The following FAM171B variants were observed in gnomAD, a reference collection of about 807,000 sequenced individuals.
The protein encoded by FAM171B is family with sequence similarity 171 member B.
A neutral mutation model predicts 75.6 loss-of-function variants in FAM171B; 19 were observed. The observed-to-expected ratio is 0.25, with a 90% CI of 0.18 to 0.37. The LOEUF is 0.37. Ranked by LOEUF, FAM171B falls within the 10% of genes least tolerant of loss-of-function variation. FAM171B has a pLI of 1.00. For synonymous variants in FAM171B, 367 were observed against 361.7 expected (o/e 1.01, Z -0.17); for missense variants, 848 against 982.4 (o/e 0.86, Z 1.83).
intron 1 of FAM171B, among the ~76,000 whole-genome samples, chr2:186,723,757 C>A (rs59509315): frequency 4.6e-4 from 70 of 152,234 alleles, no homozygotes; most frequent in African/African-American, 1.6e-3. Flanking sequence ...ATGTTCTGTG[C>A]CAGAAATGAT....
rs1296969677 is a variant in FAM171B, at chr2:186,763,421, G to A, written c.*598G>A. The A allele has an allele frequency of 2.0e-5, 3 of 152,028 alleles. No individual in the cohort carries two copies. Among genetic ancestry groups the A allele is most frequent in the African/African-American group, 7.2e-5 (3 of 41,386 alleles). 9.4% of individuals were successfully genotyped at this position (152,028 alleles called of 1,614,324 possible). On this transcript the variant is annotated 3_prime_UTR_variant, in exon 8 of 8. Transcript: ENST00000304698. ...ATATAAGATGGGCAAGAAGCTACTT[G>A]GTCATTAGAGAGGGAGACACCAGCT...
rs566958360 is a variant in FAM171B, at chr2:186,761,119, G to T, written c.1019G>T (p.Gly340Val). 1 of 1,608,422 alleles carries T rather than the reference G, an allele frequency of 6.2e-7. No individual in the cohort carries two copies. Among genetic ancestry groups the T allele is most frequent in the East Asian group, 2.2e-5 (1 of 44,710 alleles). Residue 340 changes from glycine to valine, a missense_variant, in exon 7 of 8, where the codon GGT becomes GTT. Physicochemically the swap from Gly to Val is moderately radical, Grantham distance 109 (BLOSUM62 -3). This residue lies in a region of FAM171B where 665 missense variants were observed against 729.0 expected (regional missense o/e 0.91). Coordinates refer to ENST00000304698, the MANE Select transcript of FAM171B (RefSeq NM_177454.4). Reference sequence around the variant, plus strand: ...TTTATATTGAACCATGTAGGTTCAGGTATAAATGAAGATTCCAAGGACATA... The same window carrying T: ...TTTATATTGAACCATGTAGGTTCAGTTATAAATGAAGATTCCAAGGACATA... The part of the protein sequence containing the change: ...AAPLPGTRGS[G>V]INEDSKDITA...
chr2:186,759,919 G>T (rs1690589690), intron 6 of FAM171B, among the ~76,000 whole-genome samples: 1 of 152,012 alleles, frequency 6.6e-6, no homozygotes, highest in Non-Finnish European at 1.5e-5. Flanking sequence ...ATAGTTTGAG[G>T]TCTTAGATTT....
chr2:186,702,080 ATG>A (rs1689670031), intron 1 of FAM171B, among the ~76,000 whole-genome samples: 1 of 152,216 alleles, frequency 6.6e-6, no homozygotes, highest in Non-Finnish European at 1.5e-5. Flanking sequence ...TGGTCATGAA[ATG>A]CAGTCCTGCA....
chr2:186,726,643 A>C (rs1222637825), intron 1 of FAM171B, among the ~76,000 whole-genome samples: 2 of 152,170 alleles, frequency 1.3e-5, no homozygotes, highest in Non-Finnish European at 2.9e-5. Flanking sequence ...AGTAGTAAAA[A>C]TAAAATTTTT....
chr2:186,751,201 A>G lies in FAM171B; in HGVS notation c.792A>G (p.Glu264=), dbSNP rs1690447403. Residue 264 remains glutamate, a synonymous_variant, in exon 5 of 8, where the codon GAA becomes GAG. Transcript: ENST00000304698. ...ICVKIYSGGK[E]LKVNGSIQVS... Reference sequence around the variant, plus strand: ...TGAAAATATATTCTGGAGGAAAAGAACTAAAGGTCAATGGCTCTATTCAAG... The same window carrying G: ...TGAAAATATATTCTGGAGGAAAAGAGCTAAAGGTCAATGGCTCTATTCAAG... The G allele has an allele frequency of 1.9e-6, 3 of 1,612,114 alleles. No individual in the cohort carries two copies. Among genetic ancestry groups the G allele is most frequent in the Non-Finnish European group, 2.5e-6 (3 of 1,178,650 alleles).
At chr2:186,706,495 T>A (rs183370433) in intron 1 of FAM171B, among the ~76,000 whole-genome samples, 13 of 152,382 alleles carry the variant, frequency 8.5e-5, no homozygotes, top group Admixed American at 2.0e-4. Flanking sequence ...ACTAGCTCTA[T>A]CTTAACAGAA....
At chr2:186,761,440 A>G (rs1371940941) in intron 7 of FAM171B, 39 bp from the exon 8 acceptor site, 5 of 1,524,178 alleles carry the variant, frequency 3.3e-6, no homozygotes, top group African/African-American at 1.4e-5. Context: ...CATTTGTGTC[A>G]TAACTTTTAA....
chr2:186,727,021 C>G (rs1690044112), intron 1 of FAM171B, among the ~76,000 whole-genome samples: 1 of 152,100 alleles, frequency 6.6e-6, no homozygotes, highest in South Asian at 2.1e-4. Context: ...TTTTCTACCT[C>G]TCTCCCTTTA....
intron 1 of FAM171B, among the ~76,000 whole-genome samples, chr2:186,698,269 C>A (rs562183677): frequency 2.0e-5 from 3 of 152,104 alleles, no homozygotes; most frequent in African/African-American, 7.2e-5. Flanking sequence ...ATAGAAATGT[C>A]TTTTCAGTAC....
intron 1 of FAM171B, among the ~76,000 whole-genome samples, chr2:186,720,757 G>A (rs575268742): frequency 1.4e-4 from 21 of 145,662 alleles, no homozygotes; most frequent in Admixed American, 1.2e-3. Flanking sequence ...CTAATTAAAC[G>A]TATTAAATGT....
At chr2:186,733,708 C>T (rs1186009819) in intron 1 of FAM171B, among the ~76,000 whole-genome samples, 1 of 152,122 alleles carries the variant, frequency 6.6e-6, no homozygotes, top group Non-Finnish European at 1.5e-5. Flanking sequence ...CCAGACATAC[C>T]AACTGTGACA....
At chr2:186,741,296 A>T (rs1204984997) in intron 2 of FAM171B, among the ~76,000 whole-genome samples, 1 of 152,108 alleles carries the variant, frequency 6.6e-6, no homozygotes, top group Non-Finnish European at 1.5e-5. Flanking sequence ...AAACTATCTG[A>T]CCTTTCAGTT....
intron 1 of FAM171B, among the ~76,000 whole-genome samples, chr2:186,712,583 C>A: frequency 6.6e-6 from 1 of 152,152 alleles, no homozygotes; most frequent in East Asian, 1.9e-4. Flanking sequence ...AGTTGGAGAA[C>A]TGTCAGTCGA....
chr2:186,761,403 A>T (rs539013241), intron 7 of FAM171B, 76 bp from the exon 8 acceptor site: 2 of 1,489,826 alleles, frequency 1.3e-6, no homozygotes, highest in African/African-American at 2.8e-5. Context: ...TGATATGTAG[A>T]TTGGGAGTGA....
intron 1 of FAM171B, among the ~76,000 whole-genome samples, chr2:186,704,172 G>A (rs1187048043): frequency 6.6e-6 from 1 of 151,952 alleles, no homozygotes; most frequent in Non-Finnish European, 1.5e-5. Context: ...TGGAGGTTTA[G>A]CAGAAAACCT....
At chr2:186,702,109 A>G (rs1689670487) in intron 1 of FAM171B, among the ~76,000 whole-genome samples, 1 of 152,202 alleles carries the variant, frequency 6.6e-6, no homozygotes, top group Non-Finnish European at 1.5e-5. Context: ...AACAACAAGG[A>G]CATTTTCTGA....
rs958130090 is a variant in FAM171B at position 186,694,069 on chromosome 2, G to A, written c.-105G>A. 8.1e-6 allele frequency: 11 copies of A among 1,356,412 alleles called. No homozygotes were observed. The African/African-American group carries it at 1.4e-4, about 17-fold the overall frequency. The allele number at this position is 1,356,412 out of a possible 1,614,324, so 84.0% of individuals were successfully genotyped here. A position where few individuals can be genotyped will look rare whatever the true frequency, so the allele number is the denominator to read the frequency against. ...GGTGAGGGAGTGCTTGGCAGATTGC[G>A]CGAGGGGGAGCGAGCGAGCGGGCGC... On this transcript the variant is annotated 5_prime_UTR_variant, in exon 1 of 8. Transcript: ENST00000304698.
chr2:186,696,681 G>A (rs940252831), intron 1 of FAM171B, among the ~76,000 whole-genome samples: 5 of 151,476 alleles, frequency 3.3e-5, no homozygotes, highest in Non-Finnish European at 5.9e-5. Flanking sequence ...CAAGTGTTTG[G>A]CCTTTGCACT....
Sources: gnomAD v4.1 joint callset for allele counts (sites outside exome capture counted in the v4.1 genomes callset) on GRCh38, gnomAD v4.1.1 for gene constraint, gnomAD v4.1.1 regional missense constraint, MANE v1.5 for transcripts, NCBI Gene and HGNC (gene_info 2026-07-23, HGNC 2026-07-21) for gene names.